CCSER1: variants seen among roughly 807,000 people sequenced by gnomAD.
The protein encoded by CCSER1 is serine-rich coiled-coil domain-containing protein 1.
In CCSER1, 41 loss-of-function variants were observed where a neutral mutation model predicts 82.0. The observed-to-expected ratio is 0.50, with a 90% CI of 0.39 to 0.65. CCSER1 has a LOEUF of 0.65. Among genes scored for constraint, CCSER1 ranks in the 30% least tolerant of loss-of-function variants. CCSER1 has a pLI of 0.00. For synonymous variants in CCSER1, 414 were observed against 383.9 expected (o/e 1.08, Z -0.92); for missense variants, 1,119 against 1,064.2 (o/e 1.05, Z -0.72).
intron 10 of CCSER1, among the ~76,000 whole-genome samples, chr4:91,439,555 A>T (rs1274607220): frequency 5.3e-5 from 8 of 152,178 alleles, no homozygotes; most frequent in African/African-American, 1.9e-4. Context: ...CATCGAGACT[A>T]GGAAGAAACT....
chr4:91,538,500 T>G (rs1761411640), intron 10 of CCSER1, among the ~76,000 whole-genome samples: 1 of 151,162 alleles, frequency 6.6e-6, no homozygotes, highest in Admixed American at 6.6e-5. Context: ...TTGGAGAGGC[T>G]CTCTCTCAGG....
intron 5 of CCSER1, among the ~76,000 whole-genome samples, chr4:90,500,746 A>T (rs1467757441): frequency 6.6e-6 from 1 of 152,170 alleles, no homozygotes; most frequent in Non-Finnish European, 1.5e-5. Context: ...ACAAACAAAT[A>T]AATTAATATT....
intron 10 of CCSER1, among the ~76,000 whole-genome samples, chr4:91,257,248 T>A (rs938334803): frequency 1.3e-5 from 2 of 152,176 alleles, no homozygotes; most frequent in Middle Eastern, 3.2e-3. Flanking sequence ...TTTATTCTAA[T>A]AAGTTATATC....
intron 7 of CCSER1, among the ~76,000 whole-genome samples, chr4:90,773,890 G>A (rs1007278845): frequency 9.2e-5 from 14 of 152,084 alleles, no homozygotes; most frequent in African/African-American, 3.1e-4. Flanking sequence ...ACGTTAGATC[G>A]GGTATTCAGA....
chr4:91,599,219 T>A lies in CCSER1; in HGVS notation c.*162T>A. ...TAGTCATAAACAAAGACTTGTGGGTTTTTTTTTTCCAAGAGTGAAAGTTTG... is the reference window on the plus strand; with the variant it reads ...TAGTCATAAACAAAGACTTGTGGGTATTTTTTTTCCAAGAGTGAAAGTTTG... On this transcript the variant is annotated 3_prime_UTR_variant, in exon 11 of 11. Transcript: ENST00000509176. 2.2e-6 allele frequency: 2 copies of A among 893,754 alleles called. No individual in the cohort carries two copies. Among genetic ancestry groups the A allele is most frequent in the Non-Finnish European group, 1.6e-6 (1 of 622,918 alleles). 55.4% of individuals were successfully genotyped at this position (893,754 alleles called of 1,614,324 possible). A position where few individuals can be genotyped will look rare whatever the true frequency, so the allele number is the denominator to read the frequency against.
chr4:90,893,900 C>T (rs917213824), intron 8 of CCSER1, among the ~76,000 whole-genome samples: 3 of 151,888 alleles, frequency 2.0e-5, no homozygotes, highest in Non-Finnish European at 2.9e-5. Context: ...AAATTATTCA[C>T]ATATTTTCAT....
chr4:90,969,712 T>C (rs143800185), intron 9 of CCSER1, among the ~76,000 whole-genome samples: 2 of 152,078 alleles, frequency 1.3e-5, no homozygotes, highest in African/African-American at 2.4e-5. Flanking sequence ...ATATGCTGTT[T>C]GGTAAGAGGA....
At chr4:90,811,366 A>G (rs1249848415) in intron 7 of CCSER1, among the ~76,000 whole-genome samples, 2 of 152,224 alleles carry the variant, frequency 1.3e-5, no homozygotes, top group Non-Finnish European at 2.9e-5. Flanking sequence ...ACAATACACT[A>G]TGCTGAAGAG....
chr4:91,282,423 C>T (rs1742985467), intron 10 of CCSER1, among the ~76,000 whole-genome samples: 1 of 152,134 alleles, frequency 6.6e-6, no homozygotes, highest in South Asian at 2.1e-4. Flanking sequence ...TAACAACCTA[C>T]ACTTGGGTCT....
chr4:90,924,056 A>AT (rs1728749432), intron 9 of CCSER1, among the ~76,000 whole-genome samples: 1 of 152,178 alleles, frequency 6.6e-6, no homozygotes, highest in South Asian at 2.1e-4. Context: ...ATAAATGCTC[A>AT]TTTTTTTCTT....
chr4:90,400,523 G>A (rs886161391), intron 4 of CCSER1, among the ~76,000 whole-genome samples: 3 of 151,934 alleles, frequency 2.0e-5, no homozygotes, highest in African/African-American at 7.3e-5. Flanking sequence ...AAGATTTACT[G>A]CTCCAAATCT....
chr4:90,623,275 C>A (rs1052736640), intron 5 of CCSER1, among the ~76,000 whole-genome samples: 1 of 151,966 alleles, frequency 6.6e-6, no homozygotes, highest in African/African-American at 2.4e-5. Context: ...ACCTCATGAT[C>A]CCCCAACCTC....
intron 10 of CCSER1, among the ~76,000 whole-genome samples, chr4:91,213,323 G>C (rs1736986357): frequency 6.6e-6 from 1 of 152,044 alleles, no homozygotes; most frequent in African/African-American, 2.4e-5. Flanking sequence ...GGGAAAAACA[G>C]AGATGTAGTG....
intron 10 of CCSER1, among the ~76,000 whole-genome samples, chr4:91,401,749 A>G (rs888746229): frequency 6.6e-6 from 1 of 152,192 alleles, no homozygotes; most frequent in African/African-American, 2.4e-5. Flanking sequence ...GTATGGCTGC[A>G]TAGTATTCCA....
intron 10 of CCSER1, among the ~76,000 whole-genome samples, chr4:91,415,511 CA>C (rs1753306416): frequency 6.6e-6 from 1 of 152,180 alleles, no homozygotes; most frequent in South Asian, 2.1e-4. Flanking sequence ...GAAATGCTTC[CA>C]GCTTTTGCCC....
chr4:91,500,464 AATTTC>A, intron 10 of CCSER1, among the ~76,000 whole-genome samples: 1 of 151,886 alleles, frequency 6.6e-6, no homozygotes, highest in East Asian at 1.9e-4. Context: ...TATTCTTCAT[AATTTC>A]ATTTATTTTT....
intron 1 of CCSER1, among the ~76,000 whole-genome samples, chr4:90,186,688 T>C (rs1332713703): frequency 6.6e-6 from 1 of 152,026 alleles, no homozygotes. Context: ...TCCTTTAGCC[T>C]ATGAATCTCT....
chr4:91,417,995 A>C (rs1753466785), intron 10 of CCSER1, among the ~76,000 whole-genome samples: 1 of 152,170 alleles, frequency 6.6e-6, no homozygotes, highest in South Asian at 2.1e-4. Context: ...CAACAACAGG[A>C]AGAAAAATCG....
At chr4:91,464,798 G>T (rs1299822614) in intron 10 of CCSER1, among the ~76,000 whole-genome samples, 2 of 152,254 alleles carry the variant, frequency 1.3e-5, no homozygotes, top group East Asian at 1.9e-4. Context: ...TCAACAAAAA[G>T]AGCTAACTAT....
Sources: allele counts gnomAD v4.1 joint callset (sites outside exome capture counted in the v4.1 genomes callset), GRCh38; gene constraint gnomAD v4.1.1; transcripts MANE v1.5; gene names NCBI Gene and HGNC (gene_info 2026-07-23, HGNC 2026-07-21).